Variants in SLC9C2 observed in about 807,000 individuals in gnomAD.
SLC9C2 encodes the protein solute carrier family 9 member C2 (putative).
Under a neutral mutation model 140.2 loss-of-function variants are expected in SLC9C2, and 75 were observed. The ratio of observed to expected loss-of-function variants is 0.53; its 90% confidence interval spans 0.44 to 0.65. The LOEUF is 0.65. Ranked by LOEUF, SLC9C2 falls within the 30% of genes least tolerant of loss-of-function variation. The pLI is 0.00. For missense variants in SLC9C2, 1,074 were observed against 1,331.8 expected, an observed-to-expected ratio of 0.81 and a Z score of 3.01; for synonymous variants, 375 against 420.9, an observed-to-expected ratio of 0.89 and a Z score of 1.34.
chr1:173,523,726 G>C (rs1329529850), intron 21 of SLC9C2, among the ~76,000 whole-genome samples: 4 of 152,212 alleles, frequency 2.6e-5, no homozygotes, highest in Admixed American at 2.0e-4. Context: ...AATAGAATGG[G>C]ATTGGTAATA....
At chr1:173,519,950 A>G (rs1371224256) in intron 22 of SLC9C2, among the ~76,000 whole-genome samples, 1 of 152,132 alleles carries the variant, frequency 6.6e-6, no homozygotes, top group Admixed American at 6.5e-5. Flanking sequence ...GGAGTTCAAC[A>G]CCAGCCTAGG....
intron 7 of SLC9C2, among the ~76,000 whole-genome samples, chr1:173,580,355 CTTTT>C (rs60721581): frequency 6.8e-6 from 1 of 146,464 alleles, no homozygotes; most frequent in African/African-American, 2.5e-5. Flanking sequence ...TGATATAACA[CTTTT>C]TTTTTTTTTT....
At chr1:173,543,863 A>T (rs1050734203) in intron 13 of SLC9C2, among the ~76,000 whole-genome samples, 5 of 152,244 alleles carry the variant, frequency 3.3e-5, no homozygotes, top group African/African-American at 1.2e-4. Context: ...TTCAAGATGG[A>T]TTAAAGACTT....
chr1:173,542,002 C>T (rs926763914), intron 13 of SLC9C2, among the ~76,000 whole-genome samples: 1 of 152,064 alleles, frequency 6.6e-6, no homozygotes, highest in Non-Finnish European at 1.5e-5. Flanking sequence ...CAAGAAATAA[C>T]TAAGATCAGA....
At chr1:173,561,209 CTG>C (rs1251950607) in intron 9 of SLC9C2, among the ~76,000 whole-genome samples, 1 of 152,116 alleles carries the variant, frequency 6.6e-6, no homozygotes, top group Non-Finnish European at 1.5e-5. Flanking sequence ...AGGAGAGATG[CTG>C]TGTTTTATGC....
At chr1:173,533,271 T>G (rs1175019855) in intron 17 of SLC9C2, among the ~76,000 whole-genome samples, 1 of 152,150 alleles carries the variant, frequency 6.6e-6, no homozygotes, top group Non-Finnish European at 1.5e-5. Flanking sequence ...ATTATTATTA[T>G]TTTTTGAGAC....
chr1:173,537,477 G>A (rs1024239502), intron 13 of SLC9C2, among the ~76,000 whole-genome samples: 9 of 152,132 alleles, frequency 5.9e-5, no homozygotes, highest in Non-Finnish European at 8.8e-5. Flanking sequence ...CAGGAGAATC[G>A]CTTGAACCCA....
chr1:173,560,019 A>C (rs952486545), intron 9 of SLC9C2, among the ~76,000 whole-genome samples: 1 of 152,242 alleles, frequency 6.6e-6, no homozygotes, highest in African/African-American at 2.4e-5. Flanking sequence ...TTGATATGAA[A>C]AAAGGGTATT....
chr1:173,548,673 G>T, intron 11 of SLC9C2, 121 bp from the exon 12 acceptor site: 1 of 1,025,870 alleles, frequency 9.7e-7, no homozygotes. Context: ...AGAGTGGTTA[G>T]AGCAAGGACA....
chr1:173,510,932 AC>A (rs1432434652), intron 23 of SLC9C2, among the ~76,000 whole-genome samples: 2 of 151,824 alleles, frequency 1.3e-5, no homozygotes, highest in African/African-American at 2.4e-5. Context: ...CAATGGTTGA[AC>A]TAATTTACAT....
At chr1:173,563,905 G>A (rs774702899) in intron 9 of SLC9C2, among the ~76,000 whole-genome samples, 9 of 151,936 alleles carry the variant, frequency 5.9e-5, no homozygotes, top group Non-Finnish European at 1.0e-4. Flanking sequence ...ACCTCCATGA[G>A]TTCAATTGTT....
chr1:173,509,826 C>T, intron 23 of SLC9C2, 127 bp from the exon 24 acceptor site: 1 of 934,648 alleles, frequency 1.1e-6, no homozygotes, highest in South Asian at 1.7e-5. Flanking sequence ...TTATGATACT[C>T]TTGTCATTTA....
intron 7 of SLC9C2, among the ~76,000 whole-genome samples, chr1:173,580,471 C>A (rs1665459044): frequency 6.6e-6 from 1 of 152,032 alleles, no homozygotes; most frequent in African/African-American, 2.4e-5. Context: ...TGTGACTTAG[C>A]CTCCCCAGTG....
chr1:173,526,695 TC>T lies in SLC9C2; in HGVS notation c.2332del (p.Glu778LysfsTer11). 6.3e-7 allele frequency: 1 copy of T among 1,595,726 alleles called. No individual in the cohort carries two copies. Among genetic ancestry groups the T allele is most frequent in the Non-Finnish European group, 8.5e-7 (1 of 1,175,196 alleles). On this transcript the variant is annotated frameshift_variant, in exon 19 of 28. Coordinates refer to ENST00000367714, the MANE Select transcript of SLC9C2 (RefSeq NM_178527.4). LOFTEE classifies it high-confidence loss of function. ...SIYQKLCEIL[E>X]TNKQDAVKEL... ...TTTGACAGCATCCTGTTTGTTGGTT[TC>T]CAAAATTTCACATAGTTTCTGTAAA...
intron 8 of SLC9C2, among the ~76,000 whole-genome samples, chr1:173,573,779 T>C (rs573206626): frequency 6.6e-6 from 1 of 152,316 alleles, no homozygotes; most frequent in Non-Finnish European, 1.5e-5. Flanking sequence ...TCACATGTAC[T>C]CTTCTATTTA....
Position 173,554,796 on chromosome 1 carries a change from C to T in SLC9C2, c.1234G>A (p.Val412Ile). ...VPQMFILYVQ[V>I]ISLLTMGINS... Reference sequence around the variant, plus strand: ...ATTCCCATTGTCAATAATGATATTACTTGTACATAGAGTATAAACTAAAAA... The same window carrying T: ...ATTCCCATTGTCAATAATGATATTATTTGTACATAGAGTATAAACTAAAAA... The change falls in exon 11 of 28, where the codon GTA (valine) becomes ATA (isoleucine). Residue 412 changes from valine (V) to isoleucine (I), a missense_variant. Physicochemically the swap from Val to Ile is conservative, Grantham distance 29 (BLOSUM62 3). Coordinates refer to ENST00000367714, the MANE Select transcript of SLC9C2 (RefSeq NM_178527.4). The T allele has an allele frequency of 6.2e-7, 1 of 1,600,138 alleles. No homozygotes were observed. Among genetic ancestry groups the T allele is most frequent in the Non-Finnish European group, 8.6e-7 (1 of 1,167,676 alleles).
intron 10 of SLC9C2, among the ~76,000 whole-genome samples, chr1:173,556,936 AAAAAAAG>A (rs565569615): frequency 1.7e-3 from 251 of 151,546 alleles, no homozygotes; most frequent in Non-Finnish European, 2.8e-3. Context: ...TCAAAAAAAA[AAAAAAAG>A]AAAAAAGAAA....
In SLC9C2 at chr1:173,575,621, G is replaced by C. The variant is rs12076246; in HGVS notation, c.902+1040C>G. ...AGACAGAGTCTCGCTCTGTCACTCA[G>C]GCTGGAGTGCAGTGGTGCGAACTCG... On this transcript the variant is annotated intron_variant, in intron 8 of 27. Coordinates refer to ENST00000367714, the MANE Select transcript of SLC9C2 (RefSeq NM_178527.4). Among the ~76,000 whole-genome samples the C allele has an allele frequency of 1.3e-3, 201 of 152,216 alleles. 2 individuals are homozygous for C. The highest frequency in any genetic ancestry group is 1.6e-4 in the Non-Finnish European group (11 of 68,020).
chr1:173,574,712 A>T (rs926557600), intron 8 of SLC9C2, among the ~76,000 whole-genome samples: 2 of 142,922 alleles, frequency 1.4e-5, no homozygotes, highest in Non-Finnish European at 3.1e-5. Flanking sequence ...GGGTTTCACC[A>T]TGTTAGCCAG....
Sources: gnomAD v4.1 joint callset for allele counts (sites outside exome capture counted in the v4.1 genomes callset) on GRCh38, gnomAD v4.1.1 for gene constraint, MANE v1.5 for transcripts, NCBI Gene and HGNC (gene_info 2026-07-23, HGNC 2026-07-21) for gene names.